Variants in ODAD2 observed in about 807,000 individuals in gnomAD.
ODAD2 encodes outer dynein arm docking complex subunit 2.
Under a neutral mutation model 106.8 loss-of-function variants are expected in ODAD2, and 89 were observed. The ratio of observed to expected loss-of-function variants is 0.83; its 90% confidence interval spans 0.70 to 0.99. ODAD2 has a LOEUF of 0.99. Ranked by LOEUF, ODAD2 falls within the 50% of genes least tolerant of loss-of-function variation. The pLI is 0.00. For synonymous variants in ODAD2, 404 were observed against 436.2 expected (o/e 0.93, Z 0.92); for missense variants, 1,168 against 1,238.5 (o/e 0.94, Z 0.85).
chr10:27,998,190 G>C (rs371413584), intron 1 of ODAD2, among the ~76,000 whole-genome samples: 85 of 152,324 alleles, frequency 5.6e-4, no homozygotes, highest in East Asian at 1.7e-3. Flanking sequence ...TAACATCCAC[G>C]GGGAGTCCGC....
intron 19 of ODAD2, among the ~76,000 whole-genome samples, chr10:27,842,791 G>A (rs905440317): frequency 1.3e-5 from 2 of 152,126 alleles, no homozygotes; most frequent in Non-Finnish European, 2.9e-5. Context: ...CATCTGGCAT[G>A]AAATCAATGG....
intron 17 of ODAD2, among the ~76,000 whole-genome samples, chr10:27,900,355 G>A (rs1387624565): frequency 6.6e-6 from 1 of 152,168 alleles, no homozygotes; most frequent in Non-Finnish European, 1.5e-5. Flanking sequence ...CCACAAAGAT[G>A]GGGAAAAACC....
chr10:27,868,862 A>G (rs1220568455), intron 17 of ODAD2, among the ~76,000 whole-genome samples: 1 of 151,880 alleles, frequency 6.6e-6, no homozygotes, highest in East Asian at 1.9e-4. Flanking sequence ...AAAAATAAAT[A>G]ATAAAATAAA....
At chr10:27,862,241 T>A (rs997285144) in intron 18 of ODAD2, among the ~76,000 whole-genome samples, 193 bp downstream of exon 18, 1 of 152,170 alleles carries the variant, frequency 6.6e-6, no homozygotes, top group Non-Finnish European at 1.5e-5. Context: ...ATACTAACAT[T>A]TTATAGTTTA....
intron 19 of ODAD2, among the ~76,000 whole-genome samples, chr10:27,836,475 A>G (rs1308716113): frequency 6.6e-6 from 1 of 152,214 alleles, no homozygotes; most frequent in African/African-American, 2.4e-5. Flanking sequence ...ATCTTCCTAA[A>G]TTATACTAAT....
At chr10:27,826,130 G>A (rs991284443) in intron 19 of ODAD2, among the ~76,000 whole-genome samples, 1 of 152,050 alleles carries the variant, frequency 6.6e-6, no homozygotes, top group Non-Finnish European at 1.5e-5. Context: ...GAAATTCCAG[G>A]TTCTGGAGGA....
intron 17 of ODAD2, among the ~76,000 whole-genome samples, chr10:27,872,766 TA>T (rs1001671880): frequency 3.7e-4 from 56 of 152,344 alleles, no homozygotes; most frequent in African/African-American, 1.3e-3. Context: ...GCCAGTATTT[TA>T]TTGAAGATTT....
intron 17 of ODAD2, among the ~76,000 whole-genome samples, chr10:27,866,428 A>G (rs1035795894): frequency 6.6e-6 from 1 of 152,226 alleles, no homozygotes; most frequent in African/African-American, 2.4e-5. Context: ...AAGCAAAAAC[A>G]GGGGCTCTTA....
intron 7 of ODAD2, among the ~76,000 whole-genome samples, chr10:27,980,889 C>T (rs1849502015): frequency 6.6e-6 from 1 of 152,138 alleles, no homozygotes; most frequent in African/African-American, 2.4e-5. Flanking sequence ...TTCATAGCAG[C>T]ATTATTCACA....
intron 17 of ODAD2, among the ~76,000 whole-genome samples, chr10:27,894,942 T>A (rs561324471): frequency 1.3e-5 from 2 of 151,158 alleles, no homozygotes; most frequent in East Asian, 3.9e-4. Flanking sequence ...AATTATGATA[T>A]ATCCATACAA....
intron 7 of ODAD2, among the ~76,000 whole-genome samples, chr10:27,972,240 T>C (rs1564565252): frequency 1.3e-5 from 2 of 152,114 alleles, no homozygotes; most frequent in African/African-American, 2.4e-5. Context: ...ATTTGAGATA[T>C]ATATCATAAG....
intron 10 of ODAD2, among the ~76,000 whole-genome samples, chr10:27,954,122 C>T (rs1194893548): frequency 6.6e-6 from 1 of 152,116 alleles, no homozygotes; most frequent in Non-Finnish European, 1.5e-5. Context: ...TTATTCACTC[C>T]TCAACTCATA....
chr10:27,951,839 C>T (rs550344664), intron 10 of ODAD2, among the ~76,000 whole-genome samples: 6 of 152,050 alleles, frequency 3.9e-5, no homozygotes, highest in Non-Finnish European at 8.8e-5. Flanking sequence ...CTTTGGGAGG[C>T]CAAGGCAGGT....
intron 19 of ODAD2, among the ~76,000 whole-genome samples, chr10:27,815,320 A>G (rs1160540531): frequency 6.6e-6 from 1 of 152,210 alleles, no homozygotes; most frequent in Non-Finnish European, 1.5e-5. Flanking sequence ...CGTCTTACAC[A>G]TTAAAAATAA....
chr10:27,980,165 A>G (rs1401184267), intron 7 of ODAD2, among the ~76,000 whole-genome samples: 1 of 152,172 alleles, frequency 6.6e-6, no homozygotes, highest in Non-Finnish European at 1.5e-5. Context: ...GACAAAAATC[A>G]ACTCAAAAGA....
At chr10:27,935,531 T>C (rs750178697) in intron 15 of ODAD2, among the ~76,000 whole-genome samples, 1 of 152,122 alleles carries the variant, frequency 6.6e-6, no homozygotes, top group Non-Finnish European at 1.5e-5. Flanking sequence ...CTAGGGTTTT[T>C]TCCCCCTATC....
At chr10:27,907,845 C>G (rs1488602901) in intron 16 of ODAD2, 68 bp from the exon 17 acceptor site, 3 of 1,049,984 alleles carry the variant, frequency 2.9e-6, no homozygotes. Flanking sequence ...TTTAATGACC[C>G]ACTTATTTAA....
At chr10:27,892,689 A>C (rs1842635139) in intron 17 of ODAD2, among the ~76,000 whole-genome samples, 1 of 152,244 alleles carries the variant, frequency 6.6e-6, no homozygotes, top group African/African-American at 2.4e-5. Context: ...CATTTGTTTT[A>C]TGCATTTAAT....
chr10:27,904,287 A>G, intron 17 of ODAD2: 1 of 394,266 alleles, frequency 2.5e-6, no homozygotes. Context: ...GGCACAGGAC[A>G]AGAAAGGCAA....
Sources: allele counts gnomAD v4.1 joint callset (sites outside exome capture counted in the v4.1 genomes callset), GRCh38; gene constraint gnomAD v4.1.1; transcripts MANE v1.5; gene names NCBI Gene and HGNC (gene_info 2026-07-23, HGNC 2026-07-21).